SCN11A: variants seen among roughly 807,000 people sequenced by gnomAD.
The protein encoded by SCN11A is sodium voltage-gated channel alpha subunit 11, also known as sodium channel protein type 11 subunit alpha.
Under a neutral mutation model 162.2 loss-of-function variants are expected in SCN11A, and 122 were observed. That is an observed-to-expected ratio of 0.75 (90% CI 0.65 to 0.87). The LOEUF (loss-of-function observed/expected upper bound fraction) is 0.87. Ranked by LOEUF, SCN11A falls within the 40% of genes least tolerant of loss-of-function variation. The pLI, the probability that SCN11A is intolerant of heterozygous loss-of-function variation, is 0.00. For missense variants in SCN11A, 2,015 were observed against 2,181.6 expected (o/e 0.92, Z 1.52); for synonymous variants, 758 against 751.5 (o/e 1.01, Z -0.14).
chr3:38,895,056 A>G, intron 18 of SCN11A, 92 bp from the exon 19 acceptor site: 1 of 1,171,220 alleles, frequency 8.5e-7, no homozygotes. Context: ...CAAGACTAAA[A>G]ACAGAATCAA....
rs766612002 is a variant in SCN11A at position 38,950,190 on chromosome 3, G to A, written c.173C>T (p.Ala58Val). 2 of 1,613,728 alleles carry A rather than the reference G, an allele frequency of 1.2e-6. No individual in the cohort carries two copies. Among genetic ancestry groups the A allele is most frequent in the Non-Finnish European group, 1.7e-6 (2 of 1,179,982 alleles). The stretch of plus-strand genomic sequence containing the variant: ...ATAGAGCTTGGGCAACTTCCTGGAG[G>A]CCTTTAGGTCAAGCTGAGGCCGAGG... ...PQPRPQLDLK[A>V]SRKLPKLYGD... Residue 58 changes from alanine to valine, a missense_variant, in exon 5 of 30, where the codon GCC (alanine) becomes GTC (valine). Physicochemically the swap from Ala to Val is moderately conservative, Grantham distance 64. Transcript: ENST00000302328.
At chr3:38,981,822 T>G (rs959137945) in intron 2 of SCN11A, among the ~76,000 whole-genome samples, 3 of 151,662 alleles carry the variant, frequency 2.0e-5, no homozygotes, top group African/African-American at 7.3e-5. Context: ...CTGGCCAACA[T>G]AGCAAAATCC....
intron 11 of SCN11A, among the ~76,000 whole-genome samples, chr3:38,914,837 T>G (rs35330920): frequency 0.14 from 21,587 of 152,160 alleles, 2,106 homozygotes; most frequent in Non-Finnish European, 0.21. Flanking sequence ...CCTACTTGAT[T>G]GTGGTGGATT....
At chr3:38,907,359 C>CATATATATAT (rs2065816037) in intron 14 of SCN11A, among the ~76,000 whole-genome samples, 1 of 25,292 alleles carries the variant, frequency 4.0e-5, no homozygotes, top group Admixed American at 6.2e-4. Flanking sequence ...TCTATATATA[C>CATATATATAT]ACACACACAC....
At chr3:39,002,010 C>CT (rs1348895773) in intron 2 of SCN11A, among the ~76,000 whole-genome samples, 3 of 151,574 alleles carry the variant, frequency 2.0e-5, no homozygotes, top group Non-Finnish European at 2.9e-5. Context: ...GCACTTCAGC[C>CT]TGGGCGACAG....
intron 5 of SCN11A, 65 bp from the exon 6 acceptor site, chr3:38,946,972 C>T (rs1411058363): frequency 1.1e-6 from 1 of 902,654 alleles, no homozygotes; most frequent in East Asian, 2.4e-5. Flanking sequence ...AATGCAGTGA[C>T]AAAACAATAT....
chr3:38,959,652 ACCT>A (rs2066720594), intron 3 of SCN11A, among the ~76,000 whole-genome samples: 2 of 151,586 alleles, frequency 1.3e-5, no homozygotes, highest in African/African-American at 4.9e-5. Context: ...CCTACAGAAA[ACCT>A]CCTCATTCAT....
chr3:38,997,839 A>G (rs1406243359), intron 2 of SCN11A, among the ~76,000 whole-genome samples: 1 of 152,250 alleles, frequency 6.6e-6, no homozygotes, highest in African/African-American at 2.4e-5. Context: ...GTATCACATA[A>G]TACCTGTAAG....
intron 7 of SCN11A, among the ~76,000 whole-genome samples, chr3:38,940,059 T>C (rs768673872): frequency 4.2e-3 from 142 of 34,066 alleles, no homozygotes; most frequent in Non-Finnish European, 0.015. Context: ...TGTACATACA[T>C]ATATATATAT....
At chr3:39,022,957 C>T (rs753218877) in intron 2 of SCN11A, among the ~76,000 whole-genome samples, 2 of 151,948 alleles carry the variant, frequency 1.3e-5, no homozygotes, top group Non-Finnish European at 2.9e-5. Flanking sequence ...GAAACTTTAA[C>T]ACTAAATTTT....
At chr3:38,884,107 A>T (rs879346152) in intron 21 of SCN11A, among the ~76,000 whole-genome samples, 1 of 152,180 alleles carries the variant, frequency 6.6e-6, no homozygotes, top group South Asian at 2.1e-4. Context: ...CATGATGATT[A>T]TAACATTCTG....
At chr3:39,035,309 T>C (rs991358225) in intron 1 of SCN11A, among the ~76,000 whole-genome samples, 1 of 152,168 alleles carries the variant, frequency 6.6e-6, no homozygotes, top group African/African-American at 2.4e-5. Flanking sequence ...TACAATGAAC[T>C]CACTTTTGAT....
At chr3:39,046,140 AT>A (rs2032175791) in intron 1 of SCN11A, among the ~76,000 whole-genome samples, 1 of 152,126 alleles carries the variant, frequency 6.6e-6, no homozygotes, top group South Asian at 2.1e-4. Flanking sequence ...CGGGCCTGTA[AT>A]CTCAGCTACT....
intron 19 of SCN11A, among the ~76,000 whole-genome samples, chr3:38,894,110 C>A (rs139025179): frequency 2.6e-5 from 4 of 152,318 alleles, no homozygotes; most frequent in Admixed American, 2.6e-4. Context: ...CACTCCTCAC[C>A]CACAAGATTG....
In SCN11A at chr3:39,014,395, T is replaced by G. The variant is rs56340471; in HGVS notation, c.-280+17985A>C. Among the ~76,000 whole-genome samples, 748 of 152,338 alleles carry G rather than the reference T, an allele frequency of 4.9e-3. 11 individuals carry two copies. The highest frequency in any genetic ancestry group is 0.016 in the African/African-American group (680 of 41,570). On this transcript the variant is annotated intron_variant, in intron 2 of 29. Transcript: ENST00000302328. ...ACTCTTGCAAACAGGTTATTAATTG[T>G]AAAAAGGAGCCCCTCCCATTTCCAT...
chr3:38,957,159 C>A (rs2066692193), intron 3 of SCN11A, among the ~76,000 whole-genome samples: 1 of 151,338 alleles, frequency 6.6e-6, no homozygotes, highest in Admixed American at 6.6e-5. Context: ...TTAAATAGTC[C>A]CTGGGCATAG....
At chr3:38,909,305 T>A in intron 12 of SCN11A, 111 bp from the exon 13 acceptor site, 1 of 949,502 alleles carries the variant, frequency 1.1e-6, no homozygotes, top group Non-Finnish European at 1.6e-6. Context: ...CCCCCAGCAC[T>A]GGTGGGCTCA....
intron 1 of SCN11A, among the ~76,000 whole-genome samples, chr3:39,039,049 A>G (rs1227027871): frequency 6.6e-6 from 1 of 152,162 alleles, no homozygotes; most frequent in African/African-American, 2.4e-5. Context: ...TTGCTTGATG[A>G]TAAGTTTAAT....
rs1007385308 is a variant in SCN11A at position 38,880,268 on chromosome 3, T to TA, written c.3220-146dup. ...GGTTCTGCTCAAAAGATATTAAGGC[T>TA]AAACTTTTCCAATGGAATCCATTCC... On this transcript the variant is annotated intron_variant, in intron 22 of 29. Coordinates refer to ENST00000302328, the MANE Select transcript of SCN11A (RefSeq NM_001349253.2). 7 of 593,866 alleles carry TA rather than the reference T, an allele frequency of 1.2e-5. No individual in the cohort carries two copies. The African/African-American group carries it at 1.3e-4, about 11-fold the overall frequency. The allele number at this position is 593,866 out of a possible 1,614,324, so 36.8% of individuals were successfully genotyped here.
Sources: gnomAD v4.1 joint callset for allele counts (sites outside exome capture counted in the v4.1 genomes callset) on GRCh38, gnomAD v4.1.1 for gene constraint, MANE v1.5 for transcripts, NCBI Gene and HGNC (gene_info 2026-07-23, HGNC 2026-07-21) for gene names.